Variants in PRR16 observed in about 807,000 individuals in gnomAD.
PRR16 encodes the protein protein Largen.
PRR16 carries 6 observed loss-of-function variants against 18.2 expected under a neutral mutation model. The ratio of observed to expected loss-of-function variants is 0.33; its 90% confidence interval spans 0.18 to 0.65. The LOEUF (loss-of-function observed/expected upper bound fraction) is 0.65. PRR16 is among the 30% of genes least tolerant of loss of function. The probability of loss-of-function intolerance (pLI) is 0.74; values close to 1 mark genes in which losing one functional copy is unlikely to be tolerated. For synonymous variants in PRR16, 151 were observed against 147.8 expected (o/e 1.02, Z -0.16); for missense variants, 412 against 376.6 (o/e 1.09, Z -0.78).
intron 1 of PRR16, among the ~76,000 whole-genome samples, chr5:120,475,395 ACTTT>A (rs1222666214): frequency 6.6e-6 from 1 of 151,232 alleles, no homozygotes; most frequent in Non-Finnish European, 1.5e-5. Flanking sequence ...TTTCTCCTCT[ACTTT>A]CTGTCTTACT....
chr5:120,622,773 A>G (rs990927488), intron 1 of PRR16, among the ~76,000 whole-genome samples: 6 of 151,898 alleles, frequency 4.0e-5, no homozygotes, highest in Non-Finnish European at 8.8e-5. Context: ...CACCACGCCC[A>G]GCCACAAGTT....
the PRR16 span, among the ~76,000 whole-genome samples, chr5:120,706,818 A>C: frequency 6.6e-6 from 1 of 152,206 alleles, no homozygotes; most frequent in African/African-American, 2.4e-5. Flanking sequence ...CTTGGAGAAA[A>C]AAGGCAGGCT....
intron 1 of PRR16, among the ~76,000 whole-genome samples, chr5:120,537,917 C>T (rs1751778843): frequency 6.7e-6 from 1 of 150,318 alleles, no homozygotes; most frequent in South Asian, 2.1e-4. Context: ...GCTGGGACTA[C>T]AGGCGCCCGC....
intron 1 of PRR16, among the ~76,000 whole-genome samples, chr5:120,669,337 A>ATGG (rs1350757329): frequency 6.6e-6 from 1 of 152,034 alleles, no homozygotes; most frequent in African/African-American, 2.4e-5. Flanking sequence ...TCCCTGCTTG[A>ATGG]TGGTGGTGTG....
chr5:120,601,455 G>A (rs945051722), intron 1 of PRR16, among the ~76,000 whole-genome samples: 6 of 151,818 alleles, frequency 4.0e-5, no homozygotes, highest in African/African-American at 1.4e-4. Context: ...TCTTGTAGAT[G>A]TTGATTATTA....
At chr5:120,465,720 G>A (rs1749058390) in intron 1 of PRR16, 1 of 152,518 alleles carries the variant, frequency 6.6e-6, no homozygotes, top group African/African-American at 2.4e-5. Context: ...CGGTGAGGGA[G>A]TCCGCAGCTC....
At chr5:120,552,589 T>C (rs1026051300) in intron 1 of PRR16, among the ~76,000 whole-genome samples, 1 of 151,958 alleles carries the variant, frequency 6.6e-6, no homozygotes, top group African/African-American at 2.4e-5. Context: ...GTTGTTTGTT[T>C]TTAGCCAAAA....
At chr5:120,706,964 A>G in the PRR16 span, among the ~76,000 whole-genome samples, 6 of 152,188 alleles carry the variant, frequency 3.9e-5, no homozygotes, top group Non-Finnish European at 8.8e-5. Context: ...GACATTATAC[A>G]TAGGGACACT....
intron 1 of PRR16, among the ~76,000 whole-genome samples, chr5:120,637,931 G>A (rs991473395): frequency 1.3e-5 from 2 of 152,158 alleles, no homozygotes; most frequent in African/African-American, 4.8e-5. Flanking sequence ...TAAAATACAA[G>A]TTGAGTATCC....
At chr5:120,721,275 A>T in the PRR16 span, among the ~76,000 whole-genome samples, 1 of 152,090 alleles carries the variant, frequency 6.6e-6, no homozygotes, top group Admixed American at 6.6e-5. Flanking sequence ...GGGGAAACAT[A>T]ATCAATTACA....
chr5:120,702,229 CGG>C, the PRR16 span, among the ~76,000 whole-genome samples: 1 of 103,742 alleles, frequency 9.6e-6, no homozygotes, highest in South Asian at 3.2e-4. Context: ...AATAAGGGGT[CGG>C]GACACAGAAA....
At chr5:120,694,585 G>A in the PRR16 span, among the ~76,000 whole-genome samples, 3 of 151,568 alleles carry the variant, frequency 2.0e-5, no homozygotes, top group Non-Finnish European at 4.4e-5. Context: ...TCGGGAGGCT[G>A]AGGCAGGAGA....
intron 1 of PRR16, among the ~76,000 whole-genome samples, chr5:120,599,718 T>C (rs1348047396): frequency 1.3e-5 from 2 of 151,918 alleles, no homozygotes; most frequent in Admixed American, 1.3e-4. Flanking sequence ...TGTTTACCTT[T>C]CCCCATCTAG....
At chr5:120,532,393 A>T (rs567699452) in intron 1 of PRR16, among the ~76,000 whole-genome samples, 1 of 152,126 alleles carries the variant, frequency 6.6e-6, no homozygotes, top group Non-Finnish European at 1.5e-5. Flanking sequence ...GCTAGCTTTT[A>T]TCAAGGACTA....
chr5:120,574,654 T>A (rs1314542060), intron 1 of PRR16, among the ~76,000 whole-genome samples: 2 of 148,600 alleles, frequency 1.3e-5, no homozygotes, highest in Non-Finnish European at 2.9e-5. Flanking sequence ...ACCATAAATA[T>A]ATGAAACAGT....
intron 1 of PRR16, among the ~76,000 whole-genome samples, chr5:120,525,936 T>C (rs1204955105): frequency 2.0e-5 from 3 of 152,192 alleles, no homozygotes; most frequent in Admixed American, 1.3e-4. Context: ...AACAACATTT[T>C]TGGACAGGTG....
At chr5:120,741,693 C>T in the PRR16 span, among the ~76,000 whole-genome samples, 1 of 152,144 alleles carries the variant, frequency 6.6e-6, no homozygotes, top group Non-Finnish European at 1.5e-5. Flanking sequence ...CCTCCGCCTC[C>T]CTGGTTCAAG....
chr5:120,698,921 T>C, the PRR16 span, among the ~76,000 whole-genome samples: 1 of 152,158 alleles, frequency 6.6e-6, no homozygotes, highest in Non-Finnish European at 1.5e-5. Context: ...TGGTCTGTTA[T>C]CAGACTGTAC....
intron 1 of PRR16, among the ~76,000 whole-genome samples, chr5:120,651,393 AG>A: frequency 6.6e-6 from 1 of 152,244 alleles, no homozygotes; most frequent in African/African-American, 2.4e-5. Context: ...TTAGACATGA[AG>A]TCCTTGCCCA....
Sources: gnomAD v4.1 joint callset for allele counts (sites outside exome capture counted in the v4.1 genomes callset) on GRCh38, gnomAD v4.1.1 for gene constraint, MANE v1.5 for transcripts, NCBI Gene and HGNC (gene_info 2026-07-23, HGNC 2026-07-21) for gene names.